RNF227: variants seen among roughly 807,000 people sequenced by gnomAD.
RNF227 encodes the protein long intergenic non-protein coding RNA 2581.
RNF227 carries 8 observed loss-of-function variants against 4.9 expected under a neutral mutation model. The ratio of observed to expected loss-of-function variants is 1.65; its 90% CI spans 0.97 to 2.98. The LOEUF is 2.98. Ranked by LOEUF, RNF227 falls within the 30% of genes most tolerant of loss-of-function variation. The pLI, the probability that RNF227 is intolerant of heterozygous loss-of-function variation, is 0.00. For synonymous variants in RNF227, 63 were observed against 28.1 expected, an observed-to-expected ratio of 2.25 and a Z score of -3.94; for missense variants, 136 against 65.4, an observed-to-expected ratio of 2.08 and a Z score of -3.72.
In RNF227 at chr17:7,915,914, C is replaced by A; in HGVS notation, c.282G>T (p.Met94Ile). 1.4e-6 allele frequency: 1 copy of A among 700,058 alleles called. No individual in the cohort carries two copies. The highest frequency in any genetic ancestry group is 2.6e-6 in the Non-Finnish European group (1 of 382,892). 43.4% of individuals were successfully genotyped at this position (700,058 alleles called of 1,614,324 possible). A position where few individuals can be genotyped will look rare whatever the true frequency, so the allele number is the denominator to read the frequency against. ...SQLPRGGLTE[M>I]ALDSDLWSRL... Reference sequence around the variant, plus strand: ...GCGACCACAAGTCCGAGTCAAGAGCCATCTCCGTGAGGCCGCCGCGAGGGA... The same window carrying A: ...GCGACCACAAGTCCGAGTCAAGAGCAATCTCCGTGAGGCCGCCGCGAGGGA... The change falls in exon 1 of 2, where the codon ATG (methionine) becomes ATT (isoleucine). Residue 94 changes from methionine to isoleucine, a missense_variant. Physicochemically the swap from Met to Ile is conservative, Grantham distance 10 (BLOSUM62 1). Transcript: ENST00000324348.
rs562636668 is a variant in RNF227 at position 7,916,041 on chromosome 17, A to T, written c.155T>A (p.Leu52His). The T allele has an allele frequency of 6.1e-5, 22 of 361,260 alleles. No individual in the cohort carries two copies. The South Asian group carries it at 2.9e-3, about 47-fold the overall frequency. 22.4% of individuals were successfully genotyped at this position (361,260 alleles called of 1,614,324 possible). The change falls in exon 1 of 2, where the codon CTC becomes CAC. Residue 52 changes from leucine (L) to histidine (H), a missense_variant. Coordinates refer to ENST00000324348, the MANE Select transcript of RNF227 (RefSeq NM_001358699.2). Reference sequence around the variant, plus strand: ...GTCCCCGCGCGCCGCCAGCTCGCGGAGGCAGGCGGTGCAGATCGTGTGGCC... The same window carrying T: ...GTCCCCGCGCGCCGCCAGCTCGCGGTGGCAGGCGGTGCAGATCGTGTGGCC... Reference protein sequence around the residue: ...RCGHTICTACLRELAARGDGG... With the variant: ...RCGHTICTACHRELAARGDGG...
Position 7,915,718 on chromosome 17 carries a change from C to G in RNF227, c.478G>C (p.Gly160Arg). 1 of 702,520 alleles carries G rather than the reference C, an allele frequency of 1.4e-6. No individual in the cohort carries two copies. The highest frequency in any genetic ancestry group is 2.7e-5 in the East Asian group (1 of 37,264). The allele number at this position is 702,520 out of a possible 1,614,324, so 43.5% of individuals were successfully genotyped here. A position where few individuals can be genotyped will look rare whatever the true frequency, so the allele number is the denominator to read the frequency against. Reference protein sequence around the residue: ...ALRRLWDRVLGPARRWRRPLP... With the variant: ...ALRRLWDRVLRPARRWRRPLP... ...GGACGCCGCCAGCGCCGCGCAGGCC[C>G]CAGGACCCTGTCCCAGAGCCGCCGG... is the stretch of plus-strand genomic sequence containing the variant. Residue 160 changes from glycine to arginine, a missense_variant, in exon 1 of 2, where the codon GGG becomes CGG. Physicochemically the swap from Gly to Arg is moderately radical, Grantham distance 125. Transcript: ENST00000324348.
chr17:7,916,028 C>A lies in RNF227; in HGVS notation c.168G>T (p.Ala56=). 1 of 349,172 alleles carries A rather than the reference C, an allele frequency of 2.9e-6. No individual in the cohort carries two copies. Among genetic ancestry groups the A allele is most frequent in the East Asian group, 4.3e-5 (1 of 23,506 alleles). The allele number at this position is 349,172 out of a possible 1,614,324, so 21.6% of individuals were successfully genotyped here. A position where few individuals can be genotyped will look rare whatever the true frequency, so the allele number is the denominator to read the frequency against. ...TICTACLREL[A]ARGDGGGAAA... ...CCGCCCCGCCGCCGTCCCCGCGCGC[C>A]GCCAGCTCGCGGAGGCAGGCGGTGC... The change falls in exon 1 of 2, where the codon GCG becomes GCT. Residue 56 remains alanine (A), a synonymous_variant. Transcript: ENST00000324348.
Position 7,914,123 on chromosome 17 carries a change from AATCT to A in RNF227, c.*1395_*1398del, listed in dbSNP as rs1971927580. On this transcript the variant is annotated 3_prime_UTR_variant, in exon 2 of 2. Transcript: ENST00000324348. ...AAAAAAAAAGAACTTTGGATAAAAT[AATCT>A]ATCAGTCATACCTATTATGCTTTAA... 6.6e-6 allele frequency: 1 copy of A among 151,958 alleles called. No homozygotes were observed. Among genetic ancestry groups the A allele is most frequent in the Admixed American group, 6.6e-5 (1 of 15,260 alleles). The allele number at this position is 151,958 out of a possible 1,614,324, so 9.4% of individuals were successfully genotyped here.
rs534821583 is a variant in RNF227 at position 7,914,557 on chromosome 17, CAAAA to C, written c.*961_*964del. The C allele has an allele frequency of 3.3e-5, 5 of 151,894 alleles. No individual in the cohort carries two copies. The highest frequency in any genetic ancestry group is 1.2e-4 in the African/African-American group (5 of 41,340). The allele number at this position is 151,894 out of a possible 1,614,324, so 9.4% of individuals were successfully genotyped here. ...GTGAGACTCTGGCTCAAAACAAAAA[CAAAA>C]AAACAAAAAACCCTGCCAGAGTCTG... On this transcript the variant is annotated 3_prime_UTR_variant, in exon 2 of 2. Transcript: ENST00000324348.
Position 7,915,279 on chromosome 17 carries a change from A to G in RNF227, c.*243T>C, listed in dbSNP as rs1015755643. 7 of 623,138 alleles carry G rather than the reference A, an allele frequency of 1.1e-5. No homozygotes were observed. Among genetic ancestry groups the G allele is most frequent in the Non-Finnish European group, 1.5e-5 (5 of 342,154 alleles). The allele number at this position is 623,138 out of a possible 1,614,324, so 38.6% of individuals were successfully genotyped here. A position where few individuals can be genotyped will look rare whatever the true frequency, so the allele number is the denominator to read the frequency against. ...TCCCACGGTAACGTAGGCTTTGTTT[A>G]TATCATCCCTTGGCCACTCCATCCT... On this transcript the variant is annotated 3_prime_UTR_variant, in exon 2 of 2. Transcript: ENST00000324348.
rs537136531 is a variant in RNF227 at position 7,916,058 on chromosome 17, C to A, written c.138G>T (p.Thr46=). ...PGTARARCGH[T]ICTACLRELA... The stretch of plus-strand genomic sequence containing the variant: ...GCTCGCGGAGGCAGGCGGTGCAGAT[C>A]GTGTGGCCGCAGCGGGCGCGCGCCG... Residue 46 remains threonine, a synonymous_variant, in exon 1 of 2, where the codon ACG becomes ACT. Coordinates refer to ENST00000324348, the MANE Select transcript of RNF227 (RefSeq NM_001358699.2). 421 of 373,208 alleles carry A rather than the reference C, an allele frequency of 1.1e-3. 12 individuals are homozygous for A. In the South Asian group the frequency reaches 0.031, roughly 27 times the overall value. 23.1% of individuals were successfully genotyped at this position (373,208 alleles called of 1,614,324 possible).
chr17:7,915,510 C>T lies in RNF227; in HGVS notation c.*12G>A, dbSNP rs1338362742. 4 of 702,956 alleles carry T rather than the reference C, an allele frequency of 5.7e-6. No homozygotes were observed. Among genetic ancestry groups the T allele is most frequent in the African/African-American group, 5.2e-5 (3 of 57,262 alleles). 43.5% of individuals were successfully genotyped at this position (702,956 alleles called of 1,614,324 possible). A position where few individuals can be genotyped will look rare whatever the true frequency, so the allele number is the denominator to read the frequency against. On this transcript the variant is annotated 3_prime_UTR_variant, in exon 2 of 2. Transcript: ENST00000324348. ...CCCACCTTCCTTCGGCTGTAGCTTC[C>T]GAGTTCCTCGGTTACAACGTGCAAC...
Position 7,913,680 on chromosome 17 carries a change from A to G in RNF227, c.*1842T>C, listed in dbSNP as rs890396723. The stretch of plus-strand genomic sequence containing the variant: ...TATGATTTGTCAATCAAAAATATTT[A>G]TATTTTAAAAAGATTGGAGGCCTCT... On this transcript the variant is annotated 3_prime_UTR_variant, in exon 2 of 2. Transcript: ENST00000324348. 6.6e-6 allele frequency: 1 copy of G among 152,260 alleles called. No individual in the cohort carries two copies. Among genetic ancestry groups the G allele is most frequent in the African/African-American group, 2.4e-5 (1 of 41,472 alleles). The allele number at this position is 152,260 out of a possible 1,614,324, so 9.4% of individuals were successfully genotyped here.
rs1384383029 is a variant in RNF227 at position 7,916,151 on chromosome 17, C to G, written c.45G>C (p.Glu15Asp). Residue 15 changes from glutamate (E) to aspartate (D), a missense_variant, in exon 1 of 2, where the codon GAG becomes GAC. Coordinates refer to ENST00000324348, the MANE Select transcript of RNF227 (RefSeq NM_001358699.2). Reference sequence around the variant, plus strand: ...GACGGTAGCAGATGTTGCAGTCCAGCTCGCCCCGCTCCGGAAGAGAGGGTA... The same window carrying G: ...GACGGTAGCAGATGTTGCAGTCCAGGTCGCCCCGCTCCGGAAGAGAGGGTA... ...VRVPSLPERG[E>D]LDCNICYRPF... 2 of 397,328 alleles carry G rather than the reference C, an allele frequency of 5.0e-6. No individual in the cohort carries two copies. The highest frequency in any genetic ancestry group is 4.4e-5 in the Admixed American group (1 of 22,664). The allele number at this position is 397,328 out of a possible 1,614,324, so 24.6% of individuals were successfully genotyped here.
At position 7,914,413 on chromosome 17, in the gene RNF227, G is replaced by A. The variant is rs1971934997; in HGVS notation, c.*1109C>T. On this transcript the variant is annotated 3_prime_UTR_variant, in exon 2 of 2. Transcript: ENST00000324348. ...AATACAAAAATTAGCCAGGTGTGGT[G>A]GCAGGCGCCTGTAATCCCAGCTACT... 6.6e-6 allele frequency: 1 copy of A among 152,126 alleles called. No homozygotes were observed. The highest frequency in any genetic ancestry group is 1.5e-5 in the Non-Finnish European group (1 of 68,062). The allele number at this position is 152,126 out of a possible 1,614,324, so 9.4% of individuals were successfully genotyped here.
rs936435634 is a variant in RNF227, at chr17:7,915,455, C to G, written c.*67G>C. 4 of 702,492 alleles carry G rather than the reference C, an allele frequency of 5.7e-6. No individual in the cohort carries two copies. Among genetic ancestry groups the G allele is most frequent in the African/African-American group, 5.2e-5 (3 of 57,272 alleles). The allele number at this position is 702,492 out of a possible 1,614,324, so 43.5% of individuals were successfully genotyped here. On this transcript the variant is annotated 3_prime_UTR_variant, in exon 2 of 2. Transcript: ENST00000324348. ...ATCCTGGGATCTGAGAGAGAGTAGTCTTGACATCAGCCCCCGCGAGGCTGC... is the reference window on the plus strand; with the variant it reads ...ATCCTGGGATCTGAGAGAGAGTAGTGTTGACATCAGCCCCCGCGAGGCTGC...
chr17:7,913,458 C>A lies in RNF227; in HGVS notation c.*2064G>T, dbSNP rs570523786. ...AGGGCTTACACTCCAGTGGGGACAC[C>A]CACAAAGCATGAAAATAAAAGCAGT... On this transcript the variant is annotated 3_prime_UTR_variant, in exon 2 of 2. Transcript: ENST00000324348. 6.6e-6 allele frequency: 1 copy of A among 151,956 alleles called. No individual in the cohort carries two copies. The highest frequency in any genetic ancestry group is 1.5e-5 in the Non-Finnish European group (1 of 68,010). 9.4% of individuals were successfully genotyped at this position (151,956 alleles called of 1,614,324 possible).
In RNF227 at chr17:7,915,356, C is replaced by A; in HGVS notation, c.*166G>T. The A allele has an allele frequency of 1.4e-6, 1 of 698,736 alleles. No individual in the cohort carries two copies. Among genetic ancestry groups the A allele is most frequent in the Non-Finnish European group, 2.6e-6 (1 of 382,630 alleles). 43.3% of individuals were successfully genotyped at this position (698,736 alleles called of 1,614,324 possible). On this transcript the variant is annotated 3_prime_UTR_variant, in exon 2 of 2. Coordinates refer to ENST00000324348, the MANE Select transcript of RNF227 (RefSeq NM_001358699.2). Reference sequence around the variant, plus strand: ...AGATGGGGGCGAGTTCGTCTAGGAGCCTCCCCAACTCAGCATCAACACCTC... The same window carrying A: ...AGATGGGGGCGAGTTCGTCTAGGAGACTCCCCAACTCAGCATCAACACCTC...
rs1305577405 is a variant in RNF227 at position 7,915,102 on chromosome 17, A to C, written c.*420T>G. 6.1e-6 allele frequency: 2 copies of C among 328,034 alleles called. No homozygotes were observed. The highest frequency in any genetic ancestry group is 1.2e-5 in the Non-Finnish European group (2 of 168,684). 20.3% of individuals were successfully genotyped at this position (328,034 alleles called of 1,614,324 possible). On this transcript the variant is annotated 3_prime_UTR_variant, in exon 2 of 2. Coordinates refer to ENST00000324348, the MANE Select transcript of RNF227 (RefSeq NM_001358699.2). The stretch of plus-strand genomic sequence containing the variant: ...AGAGAAGTGAGATTAACATGACGCG[A>C]AAATTAGCCTCTTCTCTCCCGTTCC...
At position 7,916,229 on chromosome 17, in the gene RNF227, G is replaced by A. The variant is rs527722885; in HGVS notation, c.-34C>T. ...CCGCGGACTCGAGGACGTCGCTAACGCGGCCAGCTCCGTGAACAGAACGAG... is the reference window on the plus strand; with the variant it reads ...CCGCGGACTCGAGGACGTCGCTAACACGGCCAGCTCCGTGAACAGAACGAG... On this transcript the variant is annotated 5_prime_UTR_variant, in exon 1 of 2. Coordinates refer to ENST00000324348, the MANE Select transcript of RNF227 (RefSeq NM_001358699.2). 127 of 383,494 alleles carry A rather than the reference G, an allele frequency of 3.3e-4. 1 individual carries two copies. The Middle Eastern group carries it at 7.3e-3, about 22-fold the overall frequency. The allele number at this position is 383,494 out of a possible 1,614,324, so 23.8% of individuals were successfully genotyped here.
At position 7,916,012 on chromosome 17, in the gene RNF227, C is replaced by A; in HGVS notation, c.184G>T (p.Gly62Cys). The change falls in exon 1 of 2, where the codon GGC becomes TGC. Residue 62 changes from glycine (G) to cysteine (C), a missense_variant. Gly to Cys is a radical substitution (Grantham distance 159). Transcript: ENST00000324348. ...LRELAARGDG[G>C]GAAARVVRLR... ...CGCACCACGCGCGCGGCCGCCCCGCCGCCGTCCCCGCGCGCCGCCAGCTCG... is the reference window on the plus strand; with the variant it reads ...CGCACCACGCGCGCGGCCGCCCCGCAGCCGTCCCCGCGCGCCGCCAGCTCG... 1 of 347,138 alleles carries A rather than the reference C, an allele frequency of 2.9e-6. No individual in the cohort carries two copies. The highest frequency in any genetic ancestry group is 5.1e-6 in the Non-Finnish European group (1 of 194,276). The allele number at this position is 347,138 out of a possible 1,614,324, so 21.5% of individuals were successfully genotyped here.
At position 7,915,334 on chromosome 17, in the gene RNF227, TG is replaced by T; in HGVS notation, c.*187del. On this transcript the variant is annotated 3_prime_UTR_variant, in exon 2 of 2. Coordinates refer to ENST00000324348, the MANE Select transcript of RNF227 (RefSeq NM_001358699.2). ...ATGTAAGACTGGCACAGTCAGTAGA[TG>T]GGGGCGAGTTCGTCTAGGAGCCTCC... 1.4e-6 allele frequency: 1 copy of T among 691,626 alleles called. No individual in the cohort carries two copies. The highest frequency in any genetic ancestry group is 2.6e-6 in the Non-Finnish European group (1 of 377,936). The allele number at this position is 691,626 out of a possible 1,614,324, so 42.8% of individuals were successfully genotyped here.
At position 7,915,251 on chromosome 17, in the gene RNF227, T is replaced by G. The variant is rs1598027066; in HGVS notation, c.*271A>C. 1.8e-6 allele frequency: 1 copy of G among 569,038 alleles called. No homozygotes were observed. The highest frequency in any genetic ancestry group is 3.2e-6 in the Non-Finnish European group (1 of 312,442). 35.2% of individuals were successfully genotyped at this position (569,038 alleles called of 1,614,324 possible). On this transcript the variant is annotated 3_prime_UTR_variant, in exon 2 of 2. Coordinates refer to ENST00000324348, the MANE Select transcript of RNF227 (RefSeq NM_001358699.2). Reference sequence around the variant, plus strand: ...TCCCAGCTAAGAAAACAGTCTGTCTTCTTCCCACGGTAACGTAGGCTTTGT... The same window carrying G: ...TCCCAGCTAAGAAAACAGTCTGTCTGCTTCCCACGGTAACGTAGGCTTTGT...
Sources: allele counts gnomAD v4.1 joint callset, GRCh38; gene constraint gnomAD v4.1.1; transcripts MANE v1.5; gene names NCBI Gene and HGNC (gene_info 2026-07-23, HGNC 2026-07-21).